The following TBX3 variants were observed in gnomAD, a reference collection of about 807,000 sequenced individuals.
TBX3 encodes the protein T-box transcription factor 3, also known as T-box transcription factor TBX3.
TBX3 carries 11 observed loss-of-function variants against 47.8 expected under a neutral mutation model. The observed-to-expected ratio is 0.23, with a 90% CI of 0.14 to 0.38. The LOEUF (loss-of-function observed/expected upper bound fraction) is 0.38, where lower values mean the gene tolerates loss of function less well. Ranked by LOEUF, TBX3 falls within the 10% of genes least tolerant of loss-of-function variation. TBX3 has a pLI of 1.00. For missense variants in TBX3, 927 were observed against 1,022.8 expected (o/e 0.91, Z 1.28); for synonymous variants, 500 against 449.3 (o/e 1.11, Z -1.43).
chr12:114,681,588 A>AT (rs1402495363), intron 1 of TBX3, among the ~76,000 whole-genome samples: 6 of 152,208 alleles, frequency 3.9e-5, no homozygotes, highest in Non-Finnish European at 8.8e-5. Context: ...TGATGAGAAA[A>AT]TGTTAAACTT....
In TBX3 at chr12:114,682,420, C is replaced by G. The variant is rs140034206; in HGVS notation, c.389+392G>C. ...CAAAAGGAAAGGGCTTTAAGTTTTT[C>G]TCTCTGAGAACAAAATAAAACAGAC... On this transcript the variant is annotated intron_variant, in intron 1 of 6. Transcript: ENST00000349155. 6.7e-3 allele frequency among the ~76,000 whole-genome samples: 1,027 copies of G among 152,232 alleles called. 11 individuals carry two copies. Among genetic ancestry groups the G allele is most frequent in the African/African-American group, 0.023 (948 of 41,542 alleles).
intron 1 of TBX3, among the ~76,000 whole-genome samples, chr12:114,682,207 T>C (rs1159103044): frequency 6.6e-6 from 1 of 152,152 alleles, no homozygotes; most frequent in African/African-American, 2.4e-5. Context: ...AACATAATCT[T>C]AAATTATGCA....
In TBX3 at chr12:114,671,200, A is replaced by C. The variant is rs1402416423; in HGVS notation, c.*641T>G. The C allele has an allele frequency of 4.5e-6, 1 of 222,424 alleles. No individual in the cohort carries two copies. The highest frequency in any genetic ancestry group is 9.0e-6 in the Non-Finnish European group (1 of 111,466). 13.8% of individuals were successfully genotyped at this position (222,424 alleles called of 1,614,324 possible). A position where few individuals can be genotyped will look rare whatever the true frequency, so the allele number is the denominator to read the frequency against. ...CGTTCAAAATAAAAACCACAAATACATTACTGTGGACATGCAAGAAGAGAC... is the reference window on the plus strand; with the variant it reads ...CGTTCAAAATAAAAACCACAAATACCTTACTGTGGACATGCAAGAAGAGAC... On this transcript the variant is annotated 3_prime_UTR_variant, in exon 7 of 7. Coordinates refer to ENST00000349155, the MANE Select transcript of TBX3 (RefSeq NM_005996.4).
chr12:114,682,904 C>A lies in TBX3; in HGVS notation c.297G>T (p.Val99=). The A allele has an allele frequency of 6.2e-7, 1 of 1,614,222 alleles. No homozygotes were observed. Residue 99 remains valine (V), a synonymous_variant, in exon 1 of 7, where the codon GTG becomes GTT. Transcript: ENST00000349155. ...CCAGGTGCACCTTGGGGTCGTCCTC[C>A]ACCTCTTCTTCGGGCTCCATGGTCT... ...PLKTMEPEEE[V]EDDPKVHLEA...
In TBX3 at chr12:114,681,186, C is replaced by G. The variant is rs1158217570; in HGVS notation, c.390-40G>C. On this transcript the variant is annotated intron_variant, in intron 1 of 6. Transcript: ENST00000349155. ...AATAGAAAAGAAAAAGAAAGATAAA[C>G]CACCCGTAATCTTGGGTTTGATTTC... is the stretch of plus-strand genomic sequence containing the variant. The G allele has an allele frequency of 2.5e-6, 4 of 1,611,840 alleles. No individual in the cohort carries two copies. The African/African-American group carries it at 4.0e-5, about 16-fold the overall frequency.
Position 114,670,360 on chromosome 12 carries a change from T to A in TBX3, c.*1481A>T. ...CAACAACTATAACACAAAATATACC[T>A]TCATGAATTTGTCTTTAAACCATCT... On this transcript the variant is annotated 3_prime_UTR_variant, in exon 7 of 7. Transcript: ENST00000349155. 4.5e-6 allele frequency: 1 copy of A among 224,526 alleles called. No homozygotes were observed. The highest frequency in any genetic ancestry group is 8.9e-6 in the Non-Finnish European group (1 of 112,586). The allele number at this position is 224,526 out of a possible 1,614,324, so 13.9% of individuals were successfully genotyped here.
rs1258048861 is a variant in TBX3 at position 114,674,761 on chromosome 12, C to T, written c.1114G>A (p.Ala372Thr). The T allele has an allele frequency of 3.1e-6, 5 of 1,589,942 alleles. No individual in the cohort carries two copies. Among genetic ancestry groups the T allele is most frequent in the Non-Finnish European group, 4.3e-6 (5 of 1,173,110 alleles). ...KEEHGPEACD[A>T]AKISTTTSEE... is the part of the protein sequence containing the mutation. ...GACGTGGTGGTGGAGATCTTGGCCG[C>T]GTCGCAGGCCTCGGGGCCATGCTCC... The change falls in exon 6 of 7, where the codon GCG (alanine) becomes ACG (threonine). Residue 372 changes from alanine to threonine, a missense_variant. By Grantham distance (58) the Ala-to-Thr change is moderately conservative. Coordinates refer to ENST00000349155, the MANE Select transcript of TBX3 (RefSeq NM_005996.4).
chr12:114,683,023 G>C lies in TBX3; in HGVS notation c.178C>G (p.Leu60Val), dbSNP rs756033342. The C allele has an allele frequency of 1.2e-6, 2 of 1,610,360 alleles. No homozygotes were observed. Among genetic ancestry groups the C allele is most frequent in the South Asian group, 1.1e-5 (1 of 90,998 alleles). ...AATTGATCCATGATCGGCTTGGCCA[G>C]GGCGCCCGGCAGCGAGAGCGCCGCC... is the stretch of plus-strand genomic sequence containing the variant. ...GAAALSLPGA[L>V]AKPIMDQLVG... The change falls in exon 1 of 7, where the codon CTG becomes GTG. Residue 60 changes from leucine to valine, a missense_variant. Coordinates refer to ENST00000349155, the MANE Select transcript of TBX3 (RefSeq NM_005996.4). The surrounding 1 kb of genome is among the most constrained non-coding windows in gnomAD (Gnocchi z 7.7).
At chr12:114,673,219 C>G (rs1868526662) in intron 6 of TBX3, among the ~76,000 whole-genome samples, 1 of 152,212 alleles carries the variant, frequency 6.6e-6, no homozygotes. Context: ...AGAAGCCAAG[C>G]CTTTCCTCAG....
intron 3 of TBX3, among the ~76,000 whole-genome samples, chr12:114,677,907 G>C (rs1244011738): frequency 6.6e-6 from 1 of 152,152 alleles, no homozygotes; most frequent in Non-Finnish European, 1.5e-5. Context: ...TTTGGGTTTA[G>C]ACATGGAAGT....
intron 1 of TBX3, among the ~76,000 whole-genome samples, chr12:114,681,581 T>C (rs1423398035): frequency 6.6e-6 from 1 of 152,146 alleles, no homozygotes; most frequent in African/African-American, 2.4e-5. Flanking sequence ...CACCCATTGA[T>C]GAGAAAATGT....
At chr12:114,679,368 C>CA in intron 3 of TBX3, 137 bp downstream of exon 3, 3 of 1,250,170 alleles carry the variant, frequency 2.4e-6, no homozygotes, top group South Asian at 1.3e-5. Flanking sequence ...CCTTTCCCCC[C>CA]AAATGCTCCA....
At position 114,677,597 on chromosome 12, in the gene TBX3, A is replaced by G; in HGVS notation, c.864T>C (p.Asn288=). 6.2e-7 allele frequency: 1 copy of G among 1,614,104 alleles called. No homozygotes were observed. The highest frequency in any genetic ancestry group is 8.5e-7 in the Non-Finnish European group (1 of 1,180,002). ...CAACTCACCTTTTTTCTCTTCGGCC[A>G]TTTCCAGTGTCCCGGAAACCTTTTG... ...PFAKGFRDTG[N]GRREKRKQLT... is the part of the protein sequence containing the mutation. The change falls in exon 4 of 7, where the codon AAT becomes AAC. Residue 288 remains asparagine, a synonymous_variant. Coordinates refer to ENST00000349155, the MANE Select transcript of TBX3 (RefSeq NM_005996.4).
chr12:114,682,725 C>G, intron 1 of TBX3, 87 bp downstream of exon 1: 1 of 1,603,114 alleles, frequency 6.2e-7, no homozygotes, highest in East Asian at 2.2e-5. Flanking sequence ...GCCGTAATAA[C>G]CGACCAACCG....
rs1869048194 is a variant in TBX3 at position 114,683,586 on chromosome 12, C to A, written c.-386G>T. The A allele has an allele frequency of 3.7e-6, 1 of 269,578 alleles. No individual in the cohort carries two copies. Among genetic ancestry groups the A allele is most frequent in the South Asian group, 1.2e-4 (1 of 8,424 alleles). 16.7% of individuals were successfully genotyped at this position (269,578 alleles called of 1,614,324 possible). A position where few individuals can be genotyped will look rare whatever the true frequency, so the allele number is the denominator to read the frequency against. On this transcript the variant is annotated 5_prime_UTR_variant, in exon 1 of 7. Transcript: ENST00000349155. The surrounding 1 kb of genome is among the most constrained non-coding windows in gnomAD (Gnocchi z 7.7). ...CTGAGCTCGAAATAGACACTCCAGC[C>A]CTGCGTCCCAGGAATCTCTCTCCAG...
chr12:114,674,100 GCA>G, intron 6 of TBX3, 63 bp downstream of exon 6: 1 of 1,550,046 alleles, frequency 6.5e-7, no homozygotes, highest in Non-Finnish European at 8.7e-7. Context: ...GGGTCTGCTG[GCA>G]AAGGACAGGG....
In TBX3 at chr12:114,683,207, C is replaced by T; in HGVS notation, c.-7G>A. On this transcript the variant is annotated 5_prime_UTR_variant, in exon 1 of 7. Transcript: ENST00000349155. The surrounding 1 kb of genome is among the most constrained non-coding windows in gnomAD (Gnocchi z 7.7). ...CTCTCATGGAGAGGCTCATCCACTC[C>T]AGGCGGGGCGCTGGGCTCCAGCCGG... 1 of 1,608,284 alleles carries T rather than the reference C, an allele frequency of 6.2e-7. No homozygotes were observed. The highest frequency in any genetic ancestry group is 8.5e-7 in the Non-Finnish European group (1 of 1,176,756).
At chr12:114,682,463 G>C (rs548923927) in intron 1 of TBX3, among the ~76,000 whole-genome samples, 4 of 151,096 alleles carry the variant, frequency 2.6e-5, no homozygotes, top group Non-Finnish European at 5.9e-5. Flanking sequence ...CATCAACAAA[G>C]AAATAAGGAT....
intron 3 of TBX3, among the ~76,000 whole-genome samples, chr12:114,678,314 A>T (rs1868795906): frequency 6.6e-6 from 1 of 152,174 alleles, no homozygotes; most frequent in Admixed American, 6.5e-5. Flanking sequence ...TTACATTAAC[A>T]ACTTCATTTC....
Sources: gnomAD v4.1 joint callset for allele counts (sites outside exome capture counted in the v4.1 genomes callset) on GRCh38, gnomAD v4.1.1 for gene constraint, Gnocchi (gnomAD v3.1) non-coding constraint, MANE v1.5 for transcripts, NCBI Gene and HGNC (gene_info 2026-07-23, HGNC 2026-07-21) for gene names.